The following SNRPD1 variants were observed in gnomAD, a reference collection of about 807,000 sequenced individuals.
SNRPD1 encodes the protein small nuclear ribonucleoprotein Sm D1.
SNRPD1 carries 1 observed loss-of-function variant against 14.4 expected under a neutral mutation model. That is an observed-to-expected ratio of 0.07 (90% CI 0.02 to 0.33). The LOEUF (loss-of-function observed/expected upper bound fraction) is 0.33. SNRPD1 is among the 10% of genes least tolerant of loss of function. The pLI, the probability that SNRPD1 is intolerant of heterozygous loss-of-function variation, is 1.00. For missense variants in SNRPD1, 52 were observed against 146.4 expected (o/e 0.36, Z 3.33); for synonymous variants, 42 against 50.3 (o/e 0.83, Z 0.70).
chr18:21,623,981 C>T (rs936059702), intron 3 of SNRPD1, 42 bp downstream of exon 3: 4 of 1,088,482 alleles, frequency 3.7e-6, no homozygotes, highest in Non-Finnish European at 5.5e-6. Context: ...AATGCTAATC[C>T]TAATCCACAC....
intron 1 of SNRPD1, among the ~76,000 whole-genome samples, chr18:21,619,490 C>G (rs924563906): frequency 3.4e-5 from 5 of 148,572 alleles, no homozygotes; most frequent in Middle Eastern, 6.8e-3. Context: ...CGAAGACTGT[C>G]TTTAAAAAAA....
intron 3 of SNRPD1, among the ~76,000 whole-genome samples, chr18:21,624,701 AAT>A (rs745537224): frequency 0.029 from 4,200 of 145,994 alleles, 181 homozygotes; most frequent in African/African-American, 0.092. Context: ...AAAAAAAAAA[AAT>A]ATATATATAT....
chr18:21,627,435 T>A (rs982676458), intron 3 of SNRPD1, among the ~76,000 whole-genome samples: 1 of 78,284 alleles, frequency 1.3e-5, no homozygotes, highest in African/African-American at 5.5e-5. Context: ...TTTTCTTGGG[T>A]TTTTTTTTTT....
Position 21,629,075 on chromosome 18 carries a change from CAGAGGAAGAGGA to C in SNRPD1, c.310_321del (p.Arg112_Gly115del). 1 of 1,613,414 alleles carries C rather than the reference CAGAGGAAGAGGA, an allele frequency of 6.2e-7. No individual in the cohort carries two copies. The highest frequency in any genetic ancestry group is 8.5e-7 in the Non-Finnish European group (1 of 1,179,572). ...CTTTTCCTTCAGTTGCAGGAAGAGG[CAGAGGAAGAGGA>C]AGAGGAAGAGGACGTGGCCGTGGCA... On this transcript the variant is annotated inframe_deletion, in exon 4 of 4. Transcript: ENST00000300413.
intron 1 of SNRPD1, among the ~76,000 whole-genome samples, chr18:21,614,140 G>T (rs1420838749): frequency 6.6e-6 from 1 of 152,058 alleles, no homozygotes; most frequent in African/African-American, 2.4e-5. Flanking sequence ...GGGCATGGTG[G>T]CGGGCGCCTG....
chr18:21,621,183 G>C (rs1410108809), intron 1 of SNRPD1, among the ~76,000 whole-genome samples: 5 of 151,406 alleles, frequency 3.3e-5, no homozygotes, highest in Non-Finnish European at 5.9e-5. Context: ...AAAAAGATAA[G>C]ATATTCAATC....
rs999080826 is a variant in SNRPD1, at chr18:21,630,686, G to T, written c.*1548G>T. ...GAGGCAGGAGAATTGCTTGAACCCA[G>T]GAGGCGGAGGTTGCAGTGAGCCGAG... On this transcript the variant is annotated 3_prime_UTR_variant, in exon 4 of 4. Transcript: ENST00000300413. 4.0e-5 allele frequency: 6 copies of T among 151,604 alleles called. No homozygotes were observed. Among genetic ancestry groups the T allele is most frequent in the African/African-American group, 1.5e-4 (6 of 41,332 alleles). 9.4% of individuals were successfully genotyped at this position (151,604 alleles called of 1,614,324 possible).
chr18:21,614,434 C>T (rs563551171), intron 1 of SNRPD1, among the ~76,000 whole-genome samples: 1 of 152,212 alleles, frequency 6.6e-6, no homozygotes, highest in South Asian at 2.1e-4. Context: ...GTACTGAATC[C>T]TGTTTTGTGT....
intron 1 of SNRPD1, among the ~76,000 whole-genome samples, chr18:21,618,068 T>C (rs1001594491): frequency 6.6e-6 from 1 of 152,098 alleles, no homozygotes; most frequent in African/African-American, 2.4e-5. Context: ...TCAGGCTTCT[T>C]ACTAGGAGTC....
intron 1 of SNRPD1, among the ~76,000 whole-genome samples, chr18:21,615,335 G>T (rs981792968): frequency 6.6e-6 from 1 of 152,102 alleles, no homozygotes; most frequent in Non-Finnish European, 1.5e-5. Context: ...TGTATTTTAG[G>T]CCGGGCGCAG....
rs2038924392 is a variant in SNRPD1, at chr18:21,612,358, A to T, written c.-72A>T. 8.0e-7 allele frequency: 1 copy of T among 1,244,314 alleles called. No individual in the cohort carries two copies. The highest frequency in any genetic ancestry group is 1.1e-6 in the Non-Finnish European group (1 of 903,168). The allele number at this position is 1,244,314 out of a possible 1,614,324, so 77.1% of individuals were successfully genotyped here. On this transcript the variant is annotated 5_prime_UTR_variant, in exon 1 of 4. Coordinates refer to ENST00000300413, the MANE Select transcript of SNRPD1 (RefSeq NM_006938.4). ...GGAGTAGGCGCTTCCGGCCATTCAT[A>T]CTGCAGTCGGTCAGTGTTCGGTTGA... is the stretch of plus-strand genomic sequence containing the variant.
intron 1 of SNRPD1, among the ~76,000 whole-genome samples, chr18:21,622,382 C>T (rs753009219): frequency 1.8e-4 from 27 of 152,212 alleles, no homozygotes; most frequent in Non-Finnish European, 2.5e-4. Context: ...CCTCGTGATC[C>T]GCCCGCCTTG....
Position 21,629,286 on chromosome 18 carries a change from G to A in SNRPD1, c.*148G>A, listed in dbSNP as rs1057471628. On this transcript the variant is annotated 3_prime_UTR_variant, in exon 4 of 4. Transcript: ENST00000300413. ...TTTTAGTAGTTTCCTCCACATTCAC[G>A]AAATTACCACAGTGAGAGCTAAGCA... 8 of 619,958 alleles carry A rather than the reference G, an allele frequency of 1.3e-5. No individual in the cohort carries two copies. The highest frequency in any genetic ancestry group is 3.6e-5 in the African/African-American group (2 of 55,180). The allele number at this position is 619,958 out of a possible 1,614,324, so 38.4% of individuals were successfully genotyped here. A position where few individuals can be genotyped will look rare whatever the true frequency, so the allele number is the denominator to read the frequency against.
intron 1 of SNRPD1, among the ~76,000 whole-genome samples, chr18:21,618,735 A>G (rs1242355864): frequency 2.0e-5 from 3 of 152,168 alleles, no homozygotes; most frequent in Admixed American, 6.6e-5. Flanking sequence ...GAGTCTTCTT[A>G]AAGTTTGAGG....
chr18:21,612,362 C>T lies in SNRPD1; in HGVS notation c.-68C>T, dbSNP rs1598489250. On this transcript the variant is annotated 5_prime_UTR_variant, in exon 1 of 4. Transcript: ENST00000300413. ...TAGGCGCTTCCGGCCATTCATACTG[C>T]AGTCGGTCAGTGTTCGGTTGAAGGA... 1.2e-5 allele frequency: 15 copies of T among 1,304,044 alleles called. No homozygotes were observed. The South Asian group carries it at 1.2e-4, about 11-fold the overall frequency. 80.8% of individuals were successfully genotyped at this position (1,304,044 alleles called of 1,614,324 possible).
At chr18:21,628,086 A>T (rs1392721104) in intron 3 of SNRPD1, among the ~76,000 whole-genome samples, 1 of 152,136 alleles carries the variant, frequency 6.6e-6, no homozygotes. Flanking sequence ...AGTGTGTACA[A>T]ATTTCTAATG....
intron 1 of SNRPD1, among the ~76,000 whole-genome samples, chr18:21,619,547 G>A (rs939913116): frequency 6.6e-6 from 1 of 151,556 alleles, no homozygotes; most frequent in Non-Finnish European, 1.5e-5. Flanking sequence ...CACTTTGGGA[G>A]GCCAAGGTGG....
intron 1 of SNRPD1, among the ~76,000 whole-genome samples, chr18:21,615,970 G>T (rs1403506965): frequency 1.3e-5 from 2 of 151,974 alleles, no homozygotes; most frequent in South Asian, 2.1e-4. Flanking sequence ...TCTCCTTAGG[G>T]TTTAGTCGGT....
intron 3 of SNRPD1, among the ~76,000 whole-genome samples, chr18:21,624,182 C>G (rs577828935): frequency 1.3e-5 from 2 of 151,860 alleles, no homozygotes; most frequent in East Asian, 3.9e-4. Context: ...AGTTCAAGAC[C>G]AGCCTGGCCA....
Sources: allele counts gnomAD v4.1 joint callset (sites outside exome capture counted in the v4.1 genomes callset), GRCh38; gene constraint gnomAD v4.1.1; transcripts MANE v1.5; gene names NCBI Gene and HGNC (gene_info 2026-07-23, HGNC 2026-07-21).